Variants in C12orf56 observed in about 807,000 individuals in gnomAD.
C12orf56 encodes chromosome 12 open reading frame 56, also known as uncharacterized protein C12orf56.
A neutral mutation model predicts 69.9 loss-of-function variants in C12orf56; 71 were observed. That is an observed-to-expected ratio of 1.02 (90% confidence interval 0.84 to 1.24). C12orf56 has a LOEUF of 1.24. Ranked by LOEUF, C12orf56 falls within the 50% of genes most tolerant of loss-of-function variation. C12orf56 has a pLI of 0.00. For missense variants in C12orf56, 732 were observed against 738.5 expected (o/e 0.99, Z 0.10); for synonymous variants, 276 against 274.1 (o/e 1.01, Z -0.07).
At chr12:64,377,980 C>A (rs993490876) in intron 1 of C12orf56, among the ~76,000 whole-genome samples, 125 of 152,138 alleles carry the variant, frequency 8.2e-4, no homozygotes, top group African/African-American at 3.0e-3. Flanking sequence ...CAACCTTGGG[C>A]AAATTGCTTA....
rs2038072940 is a variant in C12orf56, at chr12:64,277,804, C to T, written c.1311-1G>A. On this transcript the variant is annotated splice_acceptor_variant, in intron 8 of 12. Coordinates refer to ENST00000543942, the MANE Select transcript of C12orf56 (RefSeq NM_001170633.2). LOFTEE classifies it high-confidence loss of function. ...TACCAAGAGATTAAATAGTGCTCCC[C>T]TGGAAAAAAATAAATAAAAGGCAAT... 6.5e-7 allele frequency: 1 copy of T among 1,537,480 alleles called. No homozygotes were observed. Among genetic ancestry groups the T allele is most frequent in the Non-Finnish European group, 8.8e-7 (1 of 1,140,282 alleles).
intron 6 of C12orf56, among the ~76,000 whole-genome samples, chr12:64,295,312 G>A (rs543248173): frequency 8.5e-5 from 13 of 152,296 alleles, no homozygotes; most frequent in African/African-American, 2.6e-4. Flanking sequence ...CATGTTGAGC[G>A]AAACAGACAG....
chr12:64,332,796 G>A (rs1482017237), intron 2 of C12orf56, among the ~76,000 whole-genome samples: 7 of 152,108 alleles, frequency 4.6e-5, no homozygotes, highest in African/African-American at 1.7e-4. Context: ...CTTTGGAGCG[G>A]GCTGGACCCT....
intron 4 of C12orf56, among the ~76,000 whole-genome samples, chr12:64,317,985 C>A (rs2038710931): frequency 6.6e-6 from 1 of 152,122 alleles, no homozygotes; most frequent in African/African-American, 2.4e-5. Flanking sequence ...CACACATATT[C>A]CAGGATAAGA....
intron 1 of C12orf56, among the ~76,000 whole-genome samples, chr12:64,387,087 A>C (rs1330161531): frequency 4.4e-5 from 5 of 113,484 alleles, no homozygotes; most frequent in African/African-American, 1.3e-4. Context: ...CAAAAAAAAA[A>C]AAAAAAAAAA....
chr12:64,378,367 A>C (rs1177698503), intron 1 of C12orf56, among the ~76,000 whole-genome samples: 3 of 152,336 alleles, frequency 2.0e-5, no homozygotes, highest in East Asian at 3.9e-4. Flanking sequence ...GTGAATAAGC[A>C]AACATGTGCT....
intron 5 of C12orf56, among the ~76,000 whole-genome samples, chr12:64,309,944 C>G (rs1200606434): frequency 1.3e-5 from 2 of 151,986 alleles, no homozygotes; most frequent in African/African-American, 4.8e-5. Context: ...TGAAGTGATA[C>G]TAAGACAAAT....
At chr12:64,315,178 C>G (rs1170394732) in intron 4 of C12orf56, among the ~76,000 whole-genome samples, 1 of 151,914 alleles carries the variant, frequency 6.6e-6, no homozygotes, top group Non-Finnish European at 1.5e-5. Context: ...TCTCAAACTC[C>G]TGACCTCAGG....
chr12:64,338,771 A>G (rs2039031763), intron 2 of C12orf56: 5 of 1,396,088 alleles, frequency 3.6e-6, no homozygotes, highest in Middle Eastern at 3.6e-4. Flanking sequence ...CTGCTTTTGC[A>G]TGTCAGCATT....
intron 2 of C12orf56, chr12:64,352,228 A>C (rs1174183457): frequency 6.6e-6 from 1 of 151,820 alleles, no homozygotes; most frequent in Non-Finnish European, 1.5e-5. Flanking sequence ...ATTTTGATAC[A>C]TGTTTTCTAA....
chr12:64,305,396 T>C, intron 5 of C12orf56, among the ~76,000 whole-genome samples: 1 of 152,276 alleles, frequency 6.6e-6, no homozygotes, highest in South Asian at 2.1e-4. Context: ...TGTTTGTTTG[T>C]TTTGAGATAG....
Position 64,312,684 on chromosome 12 carries a change from T to G in C12orf56, c.963A>C (p.Pro321=). ...EFSPAIGSQK[P]YRSEEKIKHF... is the part of the protein sequence containing the mutation. ...CATACATCATCACTTCTTACCTATA[T>G]GGCTTTTGACTTCCAATAGCAGGAC... Residue 321 remains proline, a synonymous_variant, in exon 5 of 13, where the codon CCA becomes CCC. Coordinates refer to ENST00000543942, the MANE Select transcript of C12orf56 (RefSeq NM_001170633.2). 1 of 1,533,142 alleles carries G rather than the reference T, an allele frequency of 6.5e-7. No individual in the cohort carries two copies. The allele number at this position is 1,533,142 out of a possible 1,614,324, so 95.0% of individuals were successfully genotyped here.
intron 11 of C12orf56, among the ~76,000 whole-genome samples, chr12:64,272,150 A>G (rs955263571): frequency 1.3e-5 from 2 of 152,118 alleles, no homozygotes; most frequent in African/African-American, 4.8e-5. Flanking sequence ...TGAGCCCAGG[A>G]GTTTGAGACC....
intron 2 of C12orf56, among the ~76,000 whole-genome samples, chr12:64,333,667 A>G (rs2038959279): frequency 6.6e-6 from 1 of 151,780 alleles, no homozygotes; most frequent in South Asian, 2.1e-4. Context: ...ATGCCCAGCT[A>G]ATTTTTGTAT....
chr12:64,383,145 T>C (rs961861466), intron 1 of C12orf56, among the ~76,000 whole-genome samples: 1 of 151,714 alleles, frequency 6.6e-6, no homozygotes, highest in Non-Finnish European at 1.5e-5. Context: ...AGCAAAACTC[T>C]GTCTCTACAA....
chr12:64,317,625 T>C (rs1214056252), intron 4 of C12orf56, among the ~76,000 whole-genome samples: 5 of 151,966 alleles, frequency 3.3e-5, no homozygotes, highest in African/African-American at 7.3e-5. Context: ...CCGGGCGTGG[T>C]GGTGGGCAAC....
chr12:64,319,934 C>T (rs1417038902), intron 3 of C12orf56, among the ~76,000 whole-genome samples: 2 of 152,126 alleles, frequency 1.3e-5, no homozygotes, highest in East Asian at 1.9e-4. Context: ...CTGTTTGTTA[C>T]GGCTCGAGCT....
chr12:64,380,117 A>AACAAAAC lies in C12orf56; in HGVS notation c.252+10196_252+10197insGTTTTGT, dbSNP rs1359018067. 5.3e-4 allele frequency among the ~76,000 whole-genome samples: 43 copies of AACAAAAC among 80,698 alleles called. 1 individual carries two copies. The highest frequency in any genetic ancestry group is 1.6e-3 in the African/African-American group (42 of 26,184). 52.9% of individuals were successfully genotyped at this position (80,698 alleles called of 152,430 possible). A position where few individuals can be genotyped will look rare whatever the true frequency, so the allele number is the denominator to read the frequency against. ...AAGACTCCGTCGCAAAAAAAAAAAA[A>AACAAAAC]AAAAAAAAAAAAAAAAACAAAACAA... On this transcript the variant is annotated intron_variant, in intron 1 of 12. Transcript: ENST00000543942.
chr12:64,356,202 A>C (rs2039315276), intron 1 of C12orf56, among the ~76,000 whole-genome samples: 1 of 148,798 alleles, frequency 6.7e-6, no homozygotes. Flanking sequence ...AAAAAAAACC[A>C]TACATTTAAG....
Sources: gnomAD v4.1 joint callset for allele counts (sites outside exome capture counted in the v4.1 genomes callset) on GRCh38, gnomAD v4.1.1 for gene constraint, MANE v1.5 for transcripts, NCBI Gene and HGNC (gene_info 2026-07-23, HGNC 2026-07-21) for gene names.